Variants in CDH4 observed in about 807,000 individuals in gnomAD.
CDH4 encodes the protein cadherin 4, also known as cadherin-4.
In CDH4, 33 loss-of-function variants were observed where a neutral mutation model predicts 86.0. The observed-to-expected ratio is 0.38, with a 90% CI of 0.29 to 0.51. CDH4 has a LOEUF of 0.51. Ranked by LOEUF, CDH4 falls within the 20% of genes least tolerant of loss-of-function variation. The pLI is 0.86. For missense variants in CDH4, 1,114 were observed against 1,307.4 expected, an observed-to-expected ratio of 0.85 and a Z score of 2.28; for synonymous variants, 555 against 549.4, an observed-to-expected ratio of 1.01 and a Z score of -0.14.
At chr20:61,433,282 C>A (rs1244279075) in intron 2 of CDH4, among the ~76,000 whole-genome samples, 1 of 152,112 alleles carries the variant, frequency 6.6e-6, no homozygotes, top group African/African-American at 2.4e-5. Context: ...ATTACCTCGG[C>A]GGTTTTGTCG....
chr20:61,415,473 C>T (rs1031024223), intron 2 of CDH4, among the ~76,000 whole-genome samples: 5 of 152,146 alleles, frequency 3.3e-5, no homozygotes, highest in Admixed American at 6.5e-5. Flanking sequence ...CTGTCCATCT[C>T]CAGAATTTTT....
intron 4 of CDH4, among the ~76,000 whole-genome samples, chr20:61,798,262 A>G (rs1479415055): frequency 1.3e-5 from 2 of 151,576 alleles, no homozygotes; most frequent in African/African-American, 4.8e-5. Flanking sequence ...ACGCAGCAAC[A>G]GAGGGGAGGG....
chr20:61,774,769 T>C (rs2088817981), intron 4 of CDH4, among the ~76,000 whole-genome samples: 1 of 152,198 alleles, frequency 6.6e-6, no homozygotes, highest in Non-Finnish European at 1.5e-5. Context: ...AGTGAGAACA[T>C]GTGGTGTTTG....
intron 4 of CDH4, among the ~76,000 whole-genome samples, chr20:61,832,190 G>A (rs59605585): frequency 6.6e-6 from 1 of 152,194 alleles, no homozygotes; most frequent in South Asian, 2.1e-4. Context: ...CCCTACTGAG[G>A]CAGGGAGCTG....
intron 2 of CDH4, among the ~76,000 whole-genome samples, chr20:61,270,880 G>C (rs2084179821): frequency 6.6e-6 from 1 of 152,106 alleles, no homozygotes; most frequent in African/African-American, 2.4e-5. Flanking sequence ...TCTTCCTCTG[G>C]GGTGTTTTTG....
chr20:61,630,766 C>T (rs2086879451), intron 2 of CDH4, among the ~76,000 whole-genome samples: 1 of 152,228 alleles, frequency 6.6e-6, no homozygotes, highest in Admixed American at 6.5e-5. Context: ...CCATTTGAAA[C>T]TGAAATGACT....
intron 2 of CDH4, among the ~76,000 whole-genome samples, chr20:61,649,988 G>A (rs1365385554): frequency 1.3e-5 from 2 of 152,150 alleles, no homozygotes; most frequent in Non-Finnish European, 2.9e-5. Flanking sequence ...TGCCTGCGCC[G>A]GAGCCCTGAG....
chr20:61,580,571 T>C (rs775187553), intron 2 of CDH4, among the ~76,000 whole-genome samples: 1 of 152,200 alleles, frequency 6.6e-6, no homozygotes, highest in African/African-American at 2.4e-5. Flanking sequence ...ACTAGCAGCG[T>C]GCATGGCCCT....
intron 2 of CDH4, among the ~76,000 whole-genome samples, chr20:61,524,694 A>G (rs1325737812): frequency 6.6e-6 from 1 of 152,154 alleles, no homozygotes; most frequent in African/African-American, 2.4e-5. Flanking sequence ...CACGTTGCCC[A>G]GGCTGGTCTC....
In CDH4 at chr20:61,517,430, A is replaced by G. The variant is rs1230530790; in HGVS notation, c.170-226133A>G. Among the ~76,000 whole-genome samples, 5 of 152,128 alleles carry G rather than the reference A, an allele frequency of 3.3e-5. No homozygotes were observed. The South Asian group carries it at 8.3e-4, about 25-fold the overall frequency. On this transcript the variant is annotated intron_variant, in intron 2 of 15. Coordinates refer to ENST00000614565, the MANE Select transcript of CDH4 (RefSeq NM_001794.5). This position sits in a 1 kb window ranked among gnomAD's most constrained non-coding sequence, Gnocchi z 6.6. ...GGCTGGTCTCAAGTGCCTGGCCTCA[A>G]GCAATCCTCCCACCTTGGCCTCCCA...
intron 2 of CDH4, among the ~76,000 whole-genome samples, chr20:61,529,537 C>G (rs73320333): frequency 0.099 from 15,032 of 152,222 alleles, 1,634 homozygotes; most frequent in African/African-American, 0.27. Flanking sequence ...GCCATGGAAT[C>G]TGACTATAGG....
At chr20:61,507,388 A>G (rs1355739020) in intron 2 of CDH4, among the ~76,000 whole-genome samples, 1 of 152,214 alleles carries the variant, frequency 6.6e-6, no homozygotes, top group Non-Finnish European at 1.5e-5. Context: ...ATTGGAAGCC[A>G]GGAATCCAAA....
chr20:61,352,507 G>C (rs2084718649), intron 2 of CDH4, among the ~76,000 whole-genome samples: 1 of 152,200 alleles, frequency 6.6e-6, no homozygotes, highest in African/African-American at 2.4e-5. Flanking sequence ...CTGCCAGCGG[G>C]GTGTGAGCCG....
In CDH4 at chr20:61,518,010, G is replaced by A. The variant is rs531175549; in HGVS notation, c.170-225553G>A. 1.3e-4 allele frequency among the ~76,000 whole-genome samples: 15 copies of A among 112,174 alleles called. No homozygotes were observed. The highest frequency in any genetic ancestry group is 1.4e-3 in the East Asian group (2 of 1,390). 73.6% of individuals were successfully genotyped at this position (112,174 alleles called of 152,430 possible). On this transcript the variant is annotated intron_variant, in intron 2 of 15. Transcript: ENST00000614565. The surrounding 1 kb of genome is among the most constrained non-coding windows in gnomAD (Gnocchi z 6.3). ...GCAGGAGCTGCCTGCCTCCCCGTGC[G>A]GGGAGGATGCCTCAGCCCAGGTTAC...
At position 61,703,283 on chromosome 20, in the gene CDH4, A is replaced by T. The variant is rs1183168101; in HGVS notation, c.170-40280A>T. On this transcript the variant is annotated intron_variant, in intron 2 of 15. Transcript: ENST00000614565. This position sits in a 1 kb window ranked among gnomAD's most constrained non-coding sequence, Gnocchi z 4.3. Reference sequence around the variant, plus strand: ...AGGCTGCTCTGAGCACAGAGACCTGAGCATCATGAGGCATTCATCCTAGTT... The same window carrying T: ...AGGCTGCTCTGAGCACAGAGACCTGTGCATCATGAGGCATTCATCCTAGTT... Among the ~76,000 whole-genome samples, 1 of 152,102 alleles carries T rather than the reference A, an allele frequency of 6.6e-6. No individual in the cohort carries two copies. The highest frequency in any genetic ancestry group is 1.5e-5 in the Non-Finnish European group (1 of 68,018).
chr20:61,746,856 G>A lies in CDH4; in HGVS notation c.396+3067G>A, dbSNP rs149929050. Among the ~76,000 whole-genome samples, 905 of 152,354 alleles carry A rather than the reference G, an allele frequency of 5.9e-3. 10 individuals carry two copies. Among genetic ancestry groups the A allele is most frequent in the African/African-American group, 0.021 (859 of 41,580 alleles). On this transcript the variant is annotated intron_variant, in intron 3 of 15. Transcript: ENST00000614565. ...GCCTTGCCAGGTGGCATGGGGGCAG[G>A]AGGAGGCAGGCAGGGAGTGGGGGTC...
At chr20:61,371,106 G>A (rs779513527) in intron 2 of CDH4, among the ~76,000 whole-genome samples, 2 of 152,198 alleles carry the variant, frequency 1.3e-5, no homozygotes, top group African/African-American at 2.4e-5. Flanking sequence ...TTTGGAGCGA[G>A]CAGGCTGGGC....
chr20:61,468,188 A>G (rs369170416), intron 2 of CDH4, among the ~76,000 whole-genome samples: 109 of 152,276 alleles, frequency 7.2e-4, no homozygotes, highest in African/African-American at 2.3e-3. Context: ...CTGGGAGCCA[A>G]CTGATTCTGT....
At chr20:61,267,418 G>T (rs188152898) in intron 2 of CDH4, among the ~76,000 whole-genome samples, 1 of 152,156 alleles carries the variant, frequency 6.6e-6, no homozygotes. Context: ...GGTGTCTGCC[G>T]AATGTAACCA....
Sources: gnomAD v4.1 joint callset for allele counts (sites outside exome capture counted in the v4.1 genomes callset) on GRCh38, gnomAD v4.1.1 for gene constraint, Gnocchi (gnomAD v3.1) non-coding constraint, MANE v1.5 for transcripts, NCBI Gene and HGNC (gene_info 2026-07-23, HGNC 2026-07-21) for gene names.